The following KLHL17 variants were observed in gnomAD, a reference collection of about 807,000 sequenced individuals.
KLHL17 encodes the protein kelch-like protein 17.
KLHL17 carries 71 observed loss-of-function variants against 64.6 expected under a neutral mutation model. The ratio of observed to expected loss-of-function variants is 1.10; its 90% CI spans 0.91 to 1.34. The LOEUF (loss-of-function observed/expected upper bound fraction) is 1.34. KLHL17 is among the 40% of genes most tolerant of loss of function. The probability of loss-of-function intolerance (pLI) is 0.00; values close to 1 mark genes in which losing one functional copy is unlikely to be tolerated. For synonymous variants in KLHL17, 612 were observed against 405.4 expected (o/e 1.51, Z -6.12); for missense variants, 1,140 against 935.0 (o/e 1.22, Z -2.86).
rs762472136 is a variant in KLHL17, at chr1:963,165, G to A, written c.1099G>A (p.Asp367Asn). 1.3e-5 allele frequency: 21 copies of A among 1,610,708 alleles called. No individual in the cohort carries two copies. Among genetic ancestry groups the A allele is most frequent in the African/African-American group, 2.7e-5 (2 of 74,898 alleles). ...GDCEAYDTRTDRWHVVASMST... is the reference protein window; with the variant it reads ...GDCEAYDTRTNRWHVVASMST... ...CTGTGAGGCCTACGACACGCGCACC[G>A]ACCGCTGGCACGTGGTGGCCTCCAT... Residue 367 changes from aspartate to asparagine, a missense_variant, in exon 7 of 12, where the codon GAC becomes AAC. By Grantham distance (23) the Asp-to-Asn change is conservative. Transcript: ENST00000338591.
Position 965,583 on chromosome 1 carries a change from G to A in KLHL17, c.*392G>A, listed in dbSNP as rs1039704921. On this transcript the variant is annotated 3_prime_UTR_variant, in exon 12 of 12. Coordinates refer to ENST00000338591, the MANE Select transcript of KLHL17 (RefSeq NM_198317.3). The stretch of plus-strand genomic sequence containing the variant: ...CACATGGCGGGGTCCCGGGAAGGGT[G>A]GGGAGCAGTTGTCCTTCCTGTCGTC... The A allele has an allele frequency of 8.5e-5, 22 of 258,316 alleles. No homozygotes were observed. Among genetic ancestry groups the A allele is most frequent in the Non-Finnish European group, 4.4e-5 (6 of 135,034 alleles). 16.0% of individuals were successfully genotyped at this position (258,316 alleles called of 1,614,324 possible).
chr1:963,400 G>C lies in KLHL17; in HGVS notation c.1251G>C (p.Gln417His). Reference protein sequence around the residue: ...ESYDPVTNTWQPEVSMGTRRS... With the variant: ...ESYDPVTNTWHPEVSMGTRRS... ...ACGACCCCGTGACTAACACGTGGCA[G>C]CCGGAGGTGTCCATGGGCACAAGGC... is the stretch of plus-strand genomic sequence containing the variant. Residue 417 changes from glutamine to histidine, a missense_variant, in exon 8 of 12, where the codon CAG becomes CAC. Transcript: ENST00000338591. 1.2e-6 allele frequency: 2 copies of C among 1,612,688 alleles called. No homozygotes were observed. Among genetic ancestry groups the C allele is most frequent in the South Asian group, 1.1e-5 (1 of 91,082 alleles).
chr1:962,080 A>G, intron 4 of KLHL17, 33 bp downstream of exon 4: 1 of 769,436 alleles, frequency 1.3e-6, no homozygotes, highest in Non-Finnish European at 1.6e-6. Context: ...CTCGCCCCCC[A>G]CCCCACCCCA....
At chr1:964,307 G>A (rs1371479028) in intron 10 of KLHL17, 42 bp from the exon 11 acceptor site, 20 of 1,573,192 alleles carry the variant, frequency 1.3e-5, no homozygotes, top group Non-Finnish European at 1.6e-5. Flanking sequence ...GAGGAGGGAT[G>A]CCAGTGGCGG....
At chr1:963,045 A>G (rs1463075066) in intron 6 of KLHL17, 64 bp from the exon 7 acceptor site, 1 of 1,583,498 alleles carries the variant, frequency 6.3e-7, no homozygotes, top group Non-Finnish European at 8.6e-7. Flanking sequence ...CCTCTCCAGG[A>G]GCCTGGGGTG....
At chr1:963,044 G>C in intron 6 of KLHL17, 65 bp from the exon 7 acceptor site, 1 of 1,579,330 alleles carries the variant, frequency 6.3e-7, no homozygotes, top group Non-Finnish European at 8.6e-7. Flanking sequence ...GCCTCTCCAG[G>C]AGCCTGGGGT....
chr1:962,517 G>A, intron 5 of KLHL17, 46 bp downstream of exon 5: 3 of 1,602,506 alleles, frequency 1.9e-6, no homozygotes, highest in Non-Finnish European at 2.6e-6. Context: ...AGGAGGGCAT[G>A]CAGGTGGCTG....
At position 965,428 on chromosome 1, in the gene KLHL17, T is replaced by G; in HGVS notation, c.*237T>G. 1.9e-6 allele frequency: 1 copy of G among 522,792 alleles called. No homozygotes were observed. Among genetic ancestry groups the G allele is most frequent in the Non-Finnish European group, 3.4e-6 (1 of 296,608 alleles). The allele number at this position is 522,792 out of a possible 1,614,324, so 32.4% of individuals were successfully genotyped here. Reference sequence around the variant, plus strand: ...CGTGTCCTCCCCTCCACTGCCTGCATGGGGGGCGCGGGGAGTGACCAGGCG... The same window carrying G: ...CGTGTCCTCCCCTCCACTGCCTGCAGGGGGGGCGCGGGGAGTGACCAGGCG... On this transcript the variant is annotated 3_prime_UTR_variant, in exon 12 of 12. Transcript: ENST00000338591.
At position 962,417 on chromosome 1, in the gene KLHL17, C is replaced by T. The variant is rs759200164; in HGVS notation, c.774C>T (p.Ala258=). ...CTTCAGAGGAGGAGGTCTACCGAGC[C>T]GTCCTGAGCTGGGTGAAACACGACG... ...NVPSEEEVYR[A]VLSWVKHDVD... is the part of the protein sequence containing the mutation. Residue 258 remains alanine (A), a synonymous_variant, in exon 5 of 12, where the codon GCC becomes GCT. Transcript: ENST00000338591. 30 of 1,612,630 alleles carry T rather than the reference C, an allele frequency of 1.9e-5. No homozygotes were observed. The highest frequency in any genetic ancestry group is 8.8e-5 in the South Asian group (8 of 91,078).
rs374466033 is a variant in KLHL17, at chr1:965,203, C to G, written c.*12C>G. The G allele has an allele frequency of 6.8e-4, 1,101 of 1,609,402 alleles. 14 individuals are homozygous for G. The South Asian group carries it at 0.011, about 16-fold the overall frequency. ...CCACCAGCCTCTGACCCACCTACCACCAGAGGCCTGCAGCCTCCCACATGC... is the reference window on the plus strand; with the variant it reads ...CCACCAGCCTCTGACCCACCTACCAGCAGAGGCCTGCAGCCTCCCACATGC... On this transcript the variant is annotated 3_prime_UTR_variant, in exon 12 of 12. Transcript: ENST00000338591.
rs145445315 is a variant in KLHL17, at chr1:961,395, C to G, written c.210C>G (p.Asn70Lys). 1.2e-6 allele frequency: 2 copies of G among 1,609,330 alleles called. No homozygotes were observed. The highest frequency in any genetic ancestry group is 4.5e-5 in the East Asian group (2 of 44,758). ...GCGAGGGCCACAGCGTGGCCCACAACTCCAAGCGGCACTACCACGATGCCT... is the reference window on the plus strand; with the variant it reads ...GCGAGGGCCACAGCGTGGCCCACAAGTCCAAGCGGCACTACCACGATGCCT... Reference protein sequence around the residue: ...LSREGHSVAHNSKRHYHDAFV... With the variant: ...LSREGHSVAHKSKRHYHDAFV... Residue 70 changes from asparagine to lysine, a missense_variant, in exon 2 of 12, where the codon AAC becomes AAG. Coordinates refer to ENST00000338591, the MANE Select transcript of KLHL17 (RefSeq NM_198317.3).
rs199568695 is a variant in KLHL17 at position 965,068 on chromosome 1, C to G, written c.1806C>G (p.Asn602Lys). The G allele has an allele frequency of 6.2e-7, 1 of 1,612,580 alleles. No individual in the cohort carries two copies. The highest frequency in any genetic ancestry group is 8.5e-7 in the Non-Finnish European group (1 of 1,179,826). ...NSIEKYNPRT[N>K]KWVAASCMFT... ...TCGAGAAGTACAACCCGAGGACCAACAAGTGGGTGGCCGCATCCTGCATGT... is the reference window on the plus strand; with the variant it reads ...TCGAGAAGTACAACCCGAGGACCAAGAAGTGGGTGGCCGCATCCTGCATGT... Residue 602 changes from asparagine (N) to lysine (K), a missense_variant, in exon 12 of 12, where the codon AAC becomes AAG. Asn to Lys is a moderately conservative substitution (Grantham distance 94, BLOSUM62 0). Transcript: ENST00000338591.
chr1:964,520 A>C lies in KLHL17; in HGVS notation c.1690A>C (p.Asn564His). 1 of 1,508,058 alleles carries C rather than the reference A, an allele frequency of 6.6e-7. No individual in the cohort carries two copies. Among genetic ancestry groups the C allele is most frequent in the African/African-American group, 1.5e-5 (1 of 67,016 alleles). 93.4% of individuals were successfully genotyped at this position (1,508,058 alleles called of 1,614,324 possible). The change falls in exon 11 of 12, where the codon AAT (asparagine) becomes CAT (histidine). Residue 564 changes from asparagine to histidine, a missense_variant. By Grantham distance (68) the Asn-to-His change is moderately conservative. Coordinates refer to ENST00000338591, the MANE Select transcript of KLHL17 (RefSeq NM_198317.3). The part of the protein sequence containing the change: ...AGAWESVAPM[N>H]IRRSTHDLVA... The stretch of plus-strand genomic sequence containing the variant: ...AGCCTGGGAAAGCGTGGCGCCCATG[A>C]ATATCCGCAGGTCCGCAGTGGGGCT...
Position 961,894 on chromosome 1 carries a change from G to A in KLHL17, c.558G>A (p.Leu186=), listed in dbSNP as rs1265070277. The change falls in exon 4 of 12, where the codon CTG becomes CTA. Residue 186 remains leucine, a synonymous_variant. Transcript: ENST00000338591. The part of the protein sequence containing the change: ...GVRDACCKFL[L]SQLDPSNCLG... ...GAGACGCTTGCTGCAAGTTTCTACT[G>A]AGTCAGCTCGACCCCTCCAACTGCC... The A allele has an allele frequency of 6.2e-6, 10 of 1,612,780 alleles. No individual in the cohort carries two copies. The highest frequency in any genetic ancestry group is 8.5e-6 in the Non-Finnish European group (10 of 1,180,008).
chr1:960,735 C>T lies in KLHL17; in HGVS notation c.42C>T (p.Ser14=). The change falls in exon 1 of 12, where the codon AGC becomes AGT. Residue 14 remains serine, a synonymous_variant. Transcript: ENST00000338591. The part of the protein sequence containing the change: ...RSERPAGRTQ[S]PEHGSPGPGP... ...AGCGCCCGGCCGGCAGGACGCAGAG[C>T]CCGGAGCACGGCAGCCCGGGGCCCG... 2 of 1,313,532 alleles carry T rather than the reference C, an allele frequency of 1.5e-6. No homozygotes were observed. Among genetic ancestry groups the T allele is most frequent in the Non-Finnish European group, 2.0e-6 (2 of 1,024,052 alleles). 81.4% of individuals were successfully genotyped at this position (1,313,532 alleles called of 1,614,324 possible).
chr1:961,791 T>A, intron 3 of KLHL17, 35 bp from the exon 4 acceptor site: 1 of 1,611,170 alleles, frequency 6.2e-7, no homozygotes, highest in Non-Finnish European at 8.5e-7. Flanking sequence ...CCCCCGACCC[T>A]GTGCCTCCCT....
At chr1:963,803 G>C in intron 8 of KLHL17, 117 bp from the exon 9 acceptor site, 1 of 1,198,328 alleles carries the variant, frequency 8.3e-7, no homozygotes, top group Non-Finnish European at 1.2e-6. Flanking sequence ...AGGACTTTGC[G>C]GTCTGAGTTT....
intron 1 of KLHL17, 68 bp from the exon 2 acceptor site, chr1:961,225 C>T (rs1642628767): frequency 1.7e-6 from 2 of 1,171,262 alleles, no homozygotes; most frequent in Non-Finnish European, 1.1e-6. Flanking sequence ...CTGCCCGGGC[C>T]CCCCAGCGGC....
rs1422383482 is a variant in KLHL17 at position 961,354 on chromosome 1, G to A, written c.169G>A (p.Val57Met). 2 of 1,582,402 alleles carry A rather than the reference G, an allele frequency of 1.3e-6. No individual in the cohort carries two copies. Among genetic ancestry groups the A allele is most frequent in the Non-Finnish European group, 8.6e-7 (1 of 1,167,628 alleles). ...ARPAAPMEGA[V>M]QLLSREGHSV... ...GCCCGCAGCCCCCATGGAGGGAGCC[G>A]TGCAGCTGCTGAGCCGCGAGGGCCA... The change falls in exon 2 of 12, where the codon GTG becomes ATG. Residue 57 changes from valine (V) to methionine (M), a missense_variant. Coordinates refer to ENST00000338591, the MANE Select transcript of KLHL17 (RefSeq NM_198317.3).
Sources: gnomAD v4.1 joint callset for allele counts on GRCh38, gnomAD v4.1.1 for gene constraint, MANE v1.5 for transcripts, NCBI Gene and HGNC (gene_info 2026-07-23, HGNC 2026-07-21) for gene names.